The following CFAP46 variants were observed in gnomAD, a reference collection of about 807,000 sequenced individuals.
The protein encoded by CFAP46 is cilia and flagella associated protein 46.
A neutral mutation model predicts 325.7 loss-of-function variants in CFAP46; 245 were observed. That is an observed-to-expected ratio of 0.75 (90% confidence interval 0.68 to 0.84). The LOEUF is 0.84. Ranked by LOEUF, CFAP46 falls within the 40% of genes least tolerant of loss-of-function variation. CFAP46 has a pLI of 0.00. For synonymous variants in CFAP46, 1,523 were observed against 1,495.9 expected, an observed-to-expected ratio of 1.02 and a Z score of -0.42; for missense variants, 3,346 against 3,543.0, an observed-to-expected ratio of 0.94 and a Z score of 1.41.
intron 40 of CFAP46, among the ~76,000 whole-genome samples, chr10:132,850,634 GCT>G (rs1848522805): frequency 6.6e-6 from 1 of 152,168 alleles, no homozygotes; most frequent in Admixed American, 6.5e-5. Flanking sequence ...TTAATTCAGA[GCT>G]CACTGACAAA....
intron 7 of CFAP46, among the ~76,000 whole-genome samples, chr10:132,936,115 C>T (rs1256875930): frequency 1.0e-5 from 1 of 96,982 alleles, no homozygotes; most frequent in Non-Finnish European, 2.0e-5. Flanking sequence ...TCACTCCCCT[C>T]GGCACCCAAA....
chr10:132,877,445 G>A lies in CFAP46; in HGVS notation c.4212+436C>T, dbSNP rs772462494. Among the ~76,000 whole-genome samples the A allele has an allele frequency of 1.3e-5, 2 of 152,138 alleles. No individual in the cohort carries two copies. Among genetic ancestry groups the A allele is most frequent in the Non-Finnish European group, 2.9e-5 (2 of 67,988 alleles). The stretch of plus-strand genomic sequence containing the variant: ...TGCAGAGAGAAAGGTTTCATGAGAT[G>A]AAAAAAACACTTTTCTCACTGCTCT... On this transcript the variant is annotated intron_variant, in intron 30 of 57. Transcript: ENST00000368586. The surrounding 1 kb of genome is among the most constrained non-coding windows in gnomAD (Gnocchi z 5.7).
At position 132,811,122 on chromosome 10, in the gene CFAP46, C is replaced by T. The variant is rs11146527; in HGVS notation, c.7502-91G>A. 3.2e-3 allele frequency: 3,547 copies of T among 1,120,996 alleles called. 67 individuals are homozygous for T. In the African/African-American group the frequency reaches 0.043, roughly 14 times the overall value. The allele number at this position is 1,120,996 out of a possible 1,614,324, so 69.4% of individuals were successfully genotyped here. A position where few individuals can be genotyped will look rare whatever the true frequency, so the allele number is the denominator to read the frequency against. ...GCAGGTGGGGCCTGTGCCCCAAGGGCGCAGCAGGGCATGGCACGCTGGCCA... is the reference window on the plus strand; with the variant it reads ...GCAGGTGGGGCCTGTGCCCCAAGGGTGCAGCAGGGCATGGCACGCTGGCCA... On this transcript the variant is annotated intron_variant, in intron 55 of 57. Coordinates refer to ENST00000368586, the MANE Select transcript of CFAP46 (RefSeq NM_001200049.3).
chr10:132,912,915 A>T, intron 18 of CFAP46, 95 bp from the exon 19 acceptor site: 24 of 1,495,188 alleles, frequency 1.6e-5, no homozygotes, highest in Non-Finnish European at 2.2e-5. Context: ...GAGGCCTGAG[A>T]TGCACGGGTG....
intron 22 of CFAP46, among the ~76,000 whole-genome samples, chr10:132,906,996 C>T (rs1345885366): frequency 5.3e-5 from 8 of 152,252 alleles, no homozygotes; most frequent in Admixed American, 3.9e-4. Flanking sequence ...ACCCCGGACA[C>T]GTGGAAGTTG....
intron 40 of CFAP46, 89 bp downstream of exon 40, chr10:132,851,028 G>A: frequency 4.6e-6 from 7 of 1,508,920 alleles, no homozygotes; most frequent in Non-Finnish European, 6.4e-6. Context: ...GCACAGTGGT[G>A]GAGACGGCTC....
chr10:132,929,818 A>G lies in CFAP46; in HGVS notation c.867-14T>C, dbSNP rs760544091. 6 of 1,601,118 alleles carry G rather than the reference A, an allele frequency of 3.7e-6. No individual in the cohort carries two copies. The highest frequency in any genetic ancestry group is 5.1e-6 in the Non-Finnish European group (6 of 1,171,428). On this transcript the variant is annotated splice_polypyrimidine_tract_variant and intron_variant, in intron 8 of 57. Coordinates refer to ENST00000368586, the MANE Select transcript of CFAP46 (RefSeq NM_001200049.3). ...AGCAAAAGCATTCTGCAAACAAACA[A>G]ACCAGCCAGCACCGGCTCAATAGGG...
At chr10:132,879,390 T>C (rs1339905186) in intron 29 of CFAP46, 36 bp downstream of exon 29, 1 of 1,449,626 alleles carries the variant, frequency 6.9e-7, no homozygotes, top group Non-Finnish European at 9.1e-7. Flanking sequence ...TCCCGGGAGG[T>C]GCTGCAGGAG....
At chr10:132,824,335 G>GC (rs1847981992) in intron 50 of CFAP46, among the ~76,000 whole-genome samples, 2 of 131,208 alleles carry the variant, frequency 1.5e-5, no homozygotes, top group Admixed American at 7.5e-5. Context: ...TGCTGTGTGT[G>GC]TGCTGTGTGC....
intron 39 of CFAP46, among the ~76,000 whole-genome samples, chr10:132,856,962 G>A (rs909500680): frequency 1.3e-5 from 2 of 152,184 alleles, no homozygotes; most frequent in African/African-American, 2.4e-5. Context: ...CTGCTTTCTA[G>A]GGTCTCTCAG....
At position 132,918,428 on chromosome 10, in the gene CFAP46, G is replaced by A. The variant is rs780106047; in HGVS notation, c.1951C>T (p.Arg651Trp). 2.2e-5 allele frequency: 34 copies of A among 1,548,938 alleles called. No individual in the cohort carries two copies. Among genetic ancestry groups the A allele is most frequent in the Middle Eastern group, 1.7e-4 (1 of 5,976 alleles). ...LQRQVCPDLLRKFAEVGFIHA... is the reference protein window; with the variant it reads ...LQRQVCPDLLWKFAEVGFIHA... ...ATGAACCCCACCTCCGCGAACTTCC[G>A]CAGCAGGTCGGGGCACACCTGCCTC... The change falls in exon 16 of 58, where the codon CGG becomes TGG. Residue 651 changes from arginine to tryptophan, a missense_variant. Physicochemically the swap from Arg to Trp is moderately radical, Grantham distance 101 (BLOSUM62 -3). Transcript: ENST00000368586.
At chr10:132,810,279 C>T in intron 57 of CFAP46, 130 bp downstream of exon 57, 1 of 793,832 alleles carries the variant, frequency 1.3e-6, no homozygotes, top group Non-Finnish European at 2.2e-6. Flanking sequence ...TAGTTAACGT[C>T]TGGAGTCCCA....
intron 57 of CFAP46, among the ~76,000 whole-genome samples, chr10:132,809,936 G>A (rs1847544042): frequency 6.6e-6 from 1 of 152,216 alleles, no homozygotes; most frequent in Non-Finnish European, 1.5e-5. Context: ...TCTTCCGGGA[G>A]GCCTCTTCCT....
At chr10:132,857,349 G>A (rs1401943176) in intron 39 of CFAP46, among the ~76,000 whole-genome samples, 1 of 152,232 alleles carries the variant, frequency 6.6e-6, no homozygotes, top group South Asian at 2.1e-4. Context: ...CTGAGCCGCC[G>A]TGGTGAGCTC....
rs929216064 is a variant in CFAP46 at position 132,939,902 on chromosome 10, G to A, written c.371+1094C>T. ...CTGACACTGCCCTGGACAAGCCAGCGCTGCCCTCTCTCTCCACACAACCTG... is the reference window on the plus strand; with the variant it reads ...CTGACACTGCCCTGGACAAGCCAGCACTGCCCTCTCTCTCCACACAACCTG... On this transcript the variant is annotated intron_variant, in intron 4 of 57. Transcript: ENST00000368586. This position sits in a 1 kb window ranked among gnomAD's most constrained non-coding sequence, Gnocchi z 4.6. Among the ~76,000 whole-genome samples the A allele has an allele frequency of 2.8e-4, 42 of 152,254 alleles. 1 individual carries two copies. Among genetic ancestry groups the A allele is most frequent in the Middle Eastern group, 3.4e-3 (1 of 294 alleles).
At chr10:132,910,251 C>G (rs924914526) in intron 19 of CFAP46, among the ~76,000 whole-genome samples, 183 bp from the exon 20 acceptor site, 1 of 152,246 alleles carries the variant, frequency 6.6e-6, no homozygotes, top group South Asian at 2.1e-4. Flanking sequence ...GCCCCACCCC[C>G]AGACGCCGAG....
In CFAP46 at chr10:132,884,438, G is replaced by GT. The variant is rs971671637; in HGVS notation, c.3627+664dup. On this transcript the variant is annotated intron_variant, in intron 27 of 57. Coordinates refer to ENST00000368586, the MANE Select transcript of CFAP46 (RefSeq NM_001200049.3). This position sits in a 1 kb window ranked among gnomAD's most constrained non-coding sequence, Gnocchi z 5.4. ...GCTCTGAGCCGGAGAAACAGCTCGT[G>GT]TAACAGAAAAGCCTTTTAAGATCTT... is the stretch of plus-strand genomic sequence containing the variant. Among the ~76,000 whole-genome samples, 3 of 152,332 alleles carry GT rather than the reference G, an allele frequency of 2.0e-5. No homozygotes were observed. The highest frequency in any genetic ancestry group is 4.4e-5 in the Non-Finnish European group (3 of 68,022).
intron 45 of CFAP46, 37 bp downstream of exon 45, chr10:132,836,780 G>C: frequency 6.4e-7 from 1 of 1,560,896 alleles, no homozygotes; most frequent in Non-Finnish European, 8.8e-7. Flanking sequence ...CCTCTCAGCG[G>C]GCTGGGGGCG....
At position 132,858,902 on chromosome 10, in the gene CFAP46, T is replaced by A. The variant is rs377179206; in HGVS notation, c.5375+169A>T. ...CCGACGGGGAGGGCTGGGCATGTGA[T>A]CAGAACGTGTGGGTGAGGCGGCAGC... On this transcript the variant is annotated intron_variant, in intron 38 of 57. Transcript: ENST00000368586. 7.2e-5 allele frequency among the ~76,000 whole-genome samples: 11 copies of A among 152,062 alleles called. No individual in the cohort carries two copies. In the East Asian group the frequency reaches 9.8e-4, roughly 14 times the overall value.
Sources: allele counts gnomAD v4.1 joint callset (sites outside exome capture counted in the v4.1 genomes callset), GRCh38; gene constraint gnomAD v4.1.1; non-coding constraint Gnocchi (gnomAD v3.1); transcripts MANE v1.5; gene names NCBI Gene and HGNC (gene_info 2026-07-23, HGNC 2026-07-21).